The following CALN1 variants were observed in gnomAD, a reference collection of about 807,000 sequenced individuals.
The protein encoded by CALN1 is calcium-binding protein 8.
In CALN1, 17 loss-of-function variants were observed where a neutral mutation model predicts 30.6. The observed-to-expected ratio is 0.56, with a 90% CI of 0.38 to 0.83. The LOEUF (loss-of-function observed/expected upper bound fraction) is 0.83. Among genes scored for constraint, CALN1 ranks in the 40% least tolerant of loss-of-function variants. The pLI, the probability that CALN1 is intolerant of heterozygous loss-of-function variation, is 0.00. For synonymous variants in CALN1, 156 were observed against 131.4 expected, an observed-to-expected ratio of 1.19 and a Z score of -1.28; for missense variants, 291 against 354.9, an observed-to-expected ratio of 0.82 and a Z score of 1.45.
chr7:72,255,466 G>A (rs1026979967), intron 3 of CALN1, among the ~76,000 whole-genome samples: 4 of 151,530 alleles, frequency 2.6e-5, no homozygotes, highest in African/African-American at 9.7e-5. Flanking sequence ...CCAGGCTGGA[G>A]TGCAGTGGCA....
chr7:71,806,172 C>T (rs957911650), intron 6 of CALN1, among the ~76,000 whole-genome samples: 4 of 151,532 alleles, frequency 2.6e-5, no homozygotes. Context: ...TGTAACAAAC[C>T]TGCACGTCCT....
At chr7:71,852,554 C>T (rs1400769148) in intron 5 of CALN1, among the ~76,000 whole-genome samples, 2 of 151,024 alleles carry the variant, frequency 1.3e-5, no homozygotes, top group Admixed American at 6.6e-5. Flanking sequence ...GAACCATGAT[C>T]GCACCACTGC....
chr7:72,168,802 A>ATT (rs1235129816), intron 3 of CALN1, among the ~76,000 whole-genome samples: 24 of 114,442 alleles, frequency 2.1e-4, no homozygotes, highest in East Asian at 1.8e-3. Context: ...TATTATTATT[A>ATT]TTATTTTTTT....
At chr7:72,319,469 C>T (rs1306274596) in intron 2 of CALN1, among the ~76,000 whole-genome samples, 2 of 152,180 alleles carry the variant, frequency 1.3e-5, no homozygotes, top group Non-Finnish European at 2.9e-5. Flanking sequence ...CATGATTCAA[C>T]TACCTCCCAC....
intron 2 of CALN1, among the ~76,000 whole-genome samples, chr7:72,347,562 G>C (rs1055012480): frequency 6.6e-6 from 1 of 151,910 alleles, no homozygotes; most frequent in Non-Finnish European, 1.5e-5. Flanking sequence ...CACCAAGCCC[G>C]GCCAAGACAA....
chr7:71,945,448 G>T (rs1796357437), intron 5 of CALN1, among the ~76,000 whole-genome samples: 1 of 152,212 alleles, frequency 6.6e-6, no homozygotes, highest in South Asian at 2.1e-4. Context: ...CTCGAGAGCA[G>T]GGCTCCTCAT....
chr7:71,867,372 T>G (rs1394589306), intron 5 of CALN1, among the ~76,000 whole-genome samples: 1 of 151,992 alleles, frequency 6.6e-6, no homozygotes. Context: ...TTTGACCACA[T>G]GTAGGTTTGA....
At chr7:72,482,174 A>C in the CALN1 span, among the ~76,000 whole-genome samples, 1 of 152,152 alleles carries the variant, frequency 6.6e-6, no homozygotes, top group Non-Finnish European at 1.5e-5. Context: ...AAATCTACTT[A>C]GTCTGGTATT....
intron 4 of CALN1, 63 bp from the exon 5 acceptor site, chr7:72,023,832 GCAATAA>G: frequency 8.7e-7 from 1 of 1,145,744 alleles, no homozygotes; most frequent in Non-Finnish European, 1.3e-6. Flanking sequence ...CGTACCTGAT[GCAATAA>G]ACACCTCTAC....
At chr7:72,108,278 C>A (rs1347218426) in intron 3 of CALN1, among the ~76,000 whole-genome samples, 3 of 152,208 alleles carry the variant, frequency 2.0e-5, no homozygotes. Context: ...CTCAGATAAT[C>A]CAAGATAATC....
chr7:71,879,571 C>G (rs1180426991), intron 5 of CALN1, among the ~76,000 whole-genome samples: 1 of 152,200 alleles, frequency 6.6e-6, no homozygotes, highest in Non-Finnish European at 1.5e-5. Flanking sequence ...ACTTCCCCAG[C>G]TGGGCTGAGT....
Position 72,398,098 on chromosome 7 carries a change from G to A in CALN1, c.119+5153C>T, listed in dbSNP as rs186440255. Among the ~76,000 whole-genome samples, 200 of 152,284 alleles carry A rather than the reference G, an allele frequency of 1.3e-3. 3 individuals are homozygous for A. Among genetic ancestry groups the A allele is most frequent in the African/African-American group, 4.4e-3 (183 of 41,572 alleles). ...CCCTTGGACACCTGTTAGGGACAGG[G>A]AAGAGAGGCAAGAAGAGGAGAAATA... On this transcript the variant is annotated intron_variant, in intron 2 of 6. Coordinates refer to ENST00000395275, the MANE Select transcript of CALN1 (RefSeq NM_031468.4).
intron 2 of CALN1, among the ~76,000 whole-genome samples, chr7:72,359,833 C>A (rs769247523): frequency 6.6e-6 from 1 of 151,740 alleles, no homozygotes; most frequent in Non-Finnish European, 1.5e-5. Context: ...AAAAATTAGC[C>A]GGACGTGGTG....
At chr7:72,221,789 T>C (rs1296640273) in intron 3 of CALN1, among the ~76,000 whole-genome samples, 2 of 148,776 alleles carry the variant, frequency 1.3e-5, no homozygotes, top group Admixed American at 1.4e-4. Context: ...ACTCAGGAGG[T>C]TGAGGCAGAG....
intron 6 of CALN1, among the ~76,000 whole-genome samples, chr7:71,802,975 G>C (rs1051241492): frequency 1.3e-5 from 2 of 152,056 alleles, no homozygotes; most frequent in Non-Finnish European, 2.9e-5. Flanking sequence ...AGTGAGCTGA[G>C]ATCGCGCCAC....
At chr7:71,967,251 G>C (rs1386603730) in intron 5 of CALN1, among the ~76,000 whole-genome samples, 2 of 152,038 alleles carry the variant, frequency 1.3e-5, no homozygotes, top group Non-Finnish European at 2.9e-5. Flanking sequence ...CACAATAACT[G>C]AAAACTTTTA....
At chr7:72,393,240 T>C (rs1805690989) in intron 2 of CALN1, among the ~76,000 whole-genome samples, 1 of 151,968 alleles carries the variant, frequency 6.6e-6, no homozygotes, top group Admixed American at 6.6e-5. Flanking sequence ...GGCCGAGGCG[T>C]GTGGATCATG....
intron 2 of CALN1, among the ~76,000 whole-genome samples, chr7:72,380,833 C>T (rs1804855216): frequency 6.6e-6 from 1 of 152,198 alleles, no homozygotes; most frequent in East Asian, 1.9e-4. Flanking sequence ...CAGAGCAAGA[C>T]TCTGTCTCAA....
chr7:71,885,404 G>A (rs555722979), intron 5 of CALN1, among the ~76,000 whole-genome samples: 8 of 152,264 alleles, frequency 5.3e-5, no homozygotes, highest in South Asian at 2.1e-4. Flanking sequence ...CGCCCACCTC[G>A]GCCTCCCGAA....
Sources: allele counts gnomAD v4.1 joint callset (sites outside exome capture counted in the v4.1 genomes callset), GRCh38; gene constraint gnomAD v4.1.1; transcripts MANE v1.5; gene names NCBI Gene and HGNC (gene_info 2026-07-23, HGNC 2026-07-21).